The following STX3 variants were observed in gnomAD, a reference collection of about 807,000 sequenced individuals.
STX3 encodes the protein syntaxin 3, also known as syntaxin-3.
In STX3, 19 loss-of-function variants were observed where a neutral mutation model predicts 40.2. The observed-to-expected ratio is 0.47, with a 90% confidence interval of 0.33 to 0.69. The LOEUF (loss-of-function observed/expected upper bound fraction) is 0.69. STX3 is among the 30% of genes least tolerant of loss of function. The pLI, the probability that STX3 is intolerant of heterozygous loss-of-function variation, is 0.02. For synonymous variants in STX3, 122 were observed against 132.2 expected (o/e 0.92, Z 0.53); for missense variants, 364 against 366.7 (o/e 0.99, Z 0.06).
chr11:59,767,262 C>T (rs1355955940), intron 1 of STX3, among the ~76,000 whole-genome samples: 2 of 152,252 alleles, frequency 1.3e-5, no homozygotes, highest in African/African-American at 4.8e-5. Flanking sequence ...TATCTCTCAT[C>T]TCCTTGGGCG....
At chr11:59,787,591 T>C (rs1864858219) in intron 3 of STX3, among the ~76,000 whole-genome samples, 2 of 152,204 alleles carry the variant, frequency 1.3e-5, no homozygotes, top group Non-Finnish European at 2.9e-5. Flanking sequence ...CCTAAACTCC[T>C]GTTTGTTACC....
chr11:59,776,902 T>A (rs1448287903), intron 2 of STX3, among the ~76,000 whole-genome samples: 3 of 152,252 alleles, frequency 2.0e-5, no homozygotes, highest in Non-Finnish European at 4.4e-5. Context: ...CTTGGTTTGT[T>A]TGCTCAGTTG....
rs1176926369 is a variant in STX3, at chr11:59,801,438, T to C, written c.*614T>C. ...TAAATTAAGCTCTTAGTTGTTCAGC[T>C]TGGGGGGCAACTTTGATTTTTCTCT... On this transcript the variant is annotated 3_prime_UTR_variant, in exon 11 of 11. Transcript: ENST00000337979. 39 of 986,524 alleles carry C rather than the reference T, an allele frequency of 4.0e-5. No individual in the cohort carries two copies. Among genetic ancestry groups the C allele is most frequent in the Non-Finnish European group, 4.7e-5 (39 of 830,680 alleles). 61.1% of individuals were successfully genotyped at this position (986,524 alleles called of 1,614,324 possible).
chr11:59,793,673 A>T (rs74838680), intron 8 of STX3, among the ~76,000 whole-genome samples, 159 bp downstream of exon 8: 1 of 152,088 alleles, frequency 6.6e-6, no homozygotes, highest in African/African-American at 2.4e-5. Flanking sequence ...GAAAGTGTGC[A>T]TTCAAATTGA....
rs571506912 is a variant in STX3, at chr11:59,766,059, T to C, written c.31-7152T>C. Among the ~76,000 whole-genome samples, 19 of 152,270 alleles carry C rather than the reference T, an allele frequency of 1.2e-4. 1 individual carries two copies. The highest frequency in any genetic ancestry group is 1.1e-3 in the Admixed American group (17 of 15,292). Reference sequence around the variant, plus strand: ...TAAGGACCAGATATACCCTTTCCCCTCTGTTATTTCTTTGACCCAGAAACT... The same window carrying C: ...TAAGGACCAGATATACCCTTTCCCCCCTGTTATTTCTTTGACCCAGAAACT... On this transcript the variant is annotated intron_variant, in intron 1 of 10. Transcript: ENST00000337979.
chr11:59,795,370 A>G lies in STX3; in HGVS notation c.676-2A>G. 7.4e-6 allele frequency: 12 copies of G among 1,611,404 alleles called. No individual in the cohort carries two copies. The highest frequency in any genetic ancestry group is 1.0e-5 in the Non-Finnish European group (12 of 1,178,736). ...GGTGTGATCAGAGTCTGTTCTTTGC[A>G]GGGTGAGATGTTAGATAACATAGAG... On this transcript the variant is annotated splice_acceptor_variant, in intron 8 of 10. Transcript: ENST00000337979. LOFTEE classifies it high-confidence loss of function.
In STX3 at chr11:59,802,445, T is replaced by C. The variant is rs1298999594; in HGVS notation, c.*1621T>C. The C allele has an allele frequency of 1.0e-6, 1 of 985,884 alleles. No homozygotes were observed. The allele number at this position is 985,884 out of a possible 1,614,324, so 61.1% of individuals were successfully genotyped here. ...TAGCTTCCTTTGCAAAGGCTACTTATGGCCGGTCACAATCCAGCACTCAGA... is the reference window on the plus strand; with the variant it reads ...TAGCTTCCTTTGCAAAGGCTACTTACGGCCGGTCACAATCCAGCACTCAGA... On this transcript the variant is annotated 3_prime_UTR_variant, in exon 11 of 11. Transcript: ENST00000337979.
rs1165886401 is a variant in STX3, at chr11:59,802,820, G to T, written c.*1996G>T. On this transcript the variant is annotated 3_prime_UTR_variant, in exon 11 of 11. Transcript: ENST00000337979. ...CCTTTTTAAGCCATGTGCTGGATCA[G>T]ATGGTTCAAAAGTGCAATTTTTGAA... 1 of 989,996 alleles carries T rather than the reference G, an allele frequency of 1.0e-6. No homozygotes were observed. The highest frequency in any genetic ancestry group is 1.2e-6 in the Non-Finnish European group (1 of 833,202). 61.3% of individuals were successfully genotyped at this position (989,996 alleles called of 1,614,324 possible).
intron 2 of STX3, among the ~76,000 whole-genome samples, chr11:59,784,313 T>C (rs1052547794): frequency 2.6e-5 from 4 of 152,254 alleles, no homozygotes; most frequent in African/African-American, 9.6e-5. Flanking sequence ...TAAAAATGTT[T>C]AGTGTGTTTT....
chr11:59,773,174 T>G, intron 1 of STX3, 37 bp from the exon 2 acceptor site: 1 of 1,603,324 alleles, frequency 6.2e-7, no homozygotes, highest in Non-Finnish European at 8.5e-7. Flanking sequence ...ATTTATTGTG[T>G]TTTTAGCCTC....
At chr11:59,772,841 C>T (rs1863729353) in intron 1 of STX3, among the ~76,000 whole-genome samples, 1 of 152,128 alleles carries the variant, frequency 6.6e-6, no homozygotes, top group African/African-American at 2.4e-5. Context: ...TATTCATTAT[C>T]TCTTTTATAC....
At position 59,804,023 on chromosome 11, in the gene STX3, A is replaced by G. The variant is rs891537190; in HGVS notation, c.*3199A>G. The G allele has an allele frequency of 6.6e-6, 1 of 152,596 alleles. No individual in the cohort carries two copies. Among genetic ancestry groups the G allele is most frequent in the African/African-American group, 2.4e-5 (1 of 41,462 alleles). The allele number at this position is 152,596 out of a possible 1,614,324, so 9.5% of individuals were successfully genotyped here. On this transcript the variant is annotated 3_prime_UTR_variant, in exon 11 of 11. Coordinates refer to ENST00000337979, the MANE Select transcript of STX3 (RefSeq NM_004177.5). ...AATAAACGTATACAGAATTGGGCGG[A>G]GGACAGGGACAGGGAGTACAGATAC...
At chr11:59,777,191 T>C (rs1864012009) in intron 2 of STX3, among the ~76,000 whole-genome samples, 1 of 152,218 alleles carries the variant, frequency 6.6e-6, no homozygotes, top group African/African-American at 2.4e-5. Flanking sequence ...AAGCGTTAAA[T>C]TCTGCCTGCA....
At chr11:59,781,706 C>T (rs1864393755) in intron 2 of STX3, 3 of 1,596,348 alleles carry the variant, frequency 1.9e-6, no homozygotes, top group Non-Finnish European at 2.6e-6. Flanking sequence ...CTTCCAGCTG[C>T]TGAACTGTGG....
At chr11:59,790,360 C>T (rs562876016) in intron 4 of STX3, among the ~76,000 whole-genome samples, 159 bp from the exon 5 acceptor site, 129 of 152,284 alleles carry the variant, frequency 8.5e-4, no homozygotes, top group African/African-American at 3.0e-3. Flanking sequence ...GTGGAATGCA[C>T]GTCCTGTGGC....
At chr11:59,763,873 C>T (rs550808168) in intron 1 of STX3, among the ~76,000 whole-genome samples, 5 of 152,224 alleles carry the variant, frequency 3.3e-5, no homozygotes, top group African/African-American at 7.2e-5. Context: ...ACAAAATTAG[C>T]AGGGCATGGT....
At chr11:59,768,326 A>G (rs767839946) in intron 1 of STX3, among the ~76,000 whole-genome samples, 2 of 152,210 alleles carry the variant, frequency 1.3e-5, no homozygotes, top group African/African-American at 4.8e-5. Context: ...CTTACGAGAT[A>G]CTATCCCTGA....
chr11:59,790,034 C>T (rs1343582372), intron 4 of STX3, among the ~76,000 whole-genome samples: 2 of 152,086 alleles, frequency 1.3e-5, no homozygotes. Flanking sequence ...ACCATTTCTT[C>T]CCCCCAAGTA....
intron 2 of STX3, among the ~76,000 whole-genome samples, chr11:59,780,351 G>C (rs1202061051): frequency 6.6e-6 from 1 of 152,164 alleles, no homozygotes; most frequent in African/African-American, 2.4e-5. Context: ...GAAGAAGGCA[G>C]CTGTCTACAA....
Sources: gnomAD v4.1 joint callset for allele counts (sites outside exome capture counted in the v4.1 genomes callset) on GRCh38, gnomAD v4.1.1 for gene constraint, MANE v1.5 for transcripts, NCBI Gene and HGNC (gene_info 2026-07-23, HGNC 2026-07-21) for gene names.